The following SH2D4B variants were observed in gnomAD, a reference collection of about 807,000 sequenced individuals.
The protein encoded by SH2D4B is SH2 domain containing 4B, also known as SH2 domain-containing protein 4B.
Under a neutral mutation model 61.5 loss-of-function variants are expected in SH2D4B, and 45 were observed. The ratio of observed to expected loss-of-function variants is 0.73; its 90% CI spans 0.58 to 0.94. The LOEUF (loss-of-function observed/expected upper bound fraction) is 0.94. SH2D4B is among the 40% of genes least tolerant of loss of function. The pLI is 0.00. For synonymous variants in SH2D4B, 224 were observed against 220.4 expected, an observed-to-expected ratio of 1.02 and a Z score of -0.14; for missense variants, 572 against 574.2, an observed-to-expected ratio of 1.00 and a Z score of 0.04.
chr10:80,580,599 A>C (rs1024275904), intron 3 of SH2D4B, among the ~76,000 whole-genome samples: 1 of 152,216 alleles, frequency 6.6e-6, no homozygotes, highest in East Asian at 1.9e-4. Context: ...CTCTCCCATC[A>C]TGGCTGGGAA....
At chr10:80,633,482 G>C (rs1842856568) in intron 6 of SH2D4B, among the ~76,000 whole-genome samples, 1 of 152,138 alleles carries the variant, frequency 6.6e-6, no homozygotes, top group Non-Finnish European at 1.5e-5. Context: ...AGCCAGGTTG[G>C]CAGAGGTCGG....
intron 4 of SH2D4B, among the ~76,000 whole-genome samples, chr10:80,599,279 G>T (rs1842417837): frequency 6.7e-6 from 1 of 150,028 alleles, no homozygotes. Flanking sequence ...GACAGCTGAA[G>T]GAGAAGACAG....
At chr10:80,612,867 A>AT (rs1842617799) in intron 6 of SH2D4B, among the ~76,000 whole-genome samples, 1 of 152,238 alleles carries the variant, frequency 6.6e-6, no homozygotes, top group Non-Finnish European at 1.5e-5. Flanking sequence ...TAGACAAAGA[A>AT]TCTGAAGATA....
Position 80,538,661 on chromosome 10 carries a change from G to A in SH2D4B, c.184+146G>A. 1 of 686,174 alleles carries A rather than the reference G, an allele frequency of 1.5e-6. No homozygotes were observed. Among genetic ancestry groups the A allele is most frequent in the East Asian group, 3.4e-5 (1 of 29,132 alleles). 42.5% of individuals were successfully genotyped at this position (686,174 alleles called of 1,614,324 possible). A position where few individuals can be genotyped will look rare whatever the true frequency, so the allele number is the denominator to read the frequency against. On this transcript the variant is annotated intron_variant, in intron 1 of 7. Coordinates refer to ENST00000646907, the MANE Select transcript of SH2D4B (RefSeq NM_001388272.1). This position sits in a 1 kb window ranked among gnomAD's most constrained non-coding sequence, Gnocchi z 4.8. ...GAAACCCTTGTCTTGTGGGCATCAG[G>A]TCCCATGAGCCTGTGCTTTTGCCTT...
intron 7 of SH2D4B, 83 bp from the exon 8 acceptor site, chr10:80,643,910 G>A: frequency 9.3e-7 from 1 of 1,073,434 alleles, no homozygotes; most frequent in Non-Finnish European, 1.4e-6. Context: ...TAGTTTCTCT[G>A]TCTTGAACCA....
intron 1 of SH2D4B, among the ~76,000 whole-genome samples, chr10:80,555,673 G>A (rs1249708204): frequency 6.6e-6 from 1 of 152,210 alleles, no homozygotes; most frequent in Admixed American, 6.5e-5. Context: ...TATCTCTGCT[G>A]TGAACCGTTT....
At chr10:80,574,132 A>G (rs879333569) in intron 3 of SH2D4B, among the ~76,000 whole-genome samples, 16 of 152,152 alleles carry the variant, frequency 1.1e-4, no homozygotes, top group Non-Finnish European at 2.4e-4. Context: ...GAAGTGCTCC[A>G]CATTTGTTTT....
At chr10:80,624,213 A>G (rs751001318) in intron 6 of SH2D4B, among the ~76,000 whole-genome samples, 6 of 152,202 alleles carry the variant, frequency 3.9e-5, no homozygotes, top group African/African-American at 4.8e-5. Flanking sequence ...AGCTGTGGCT[A>G]CATTATGCAG....
At chr10:80,543,521 C>G (rs1327433168) in intron 1 of SH2D4B, among the ~76,000 whole-genome samples, 9 of 152,212 alleles carry the variant, frequency 5.9e-5, no homozygotes, top group Admixed American at 5.9e-4. Flanking sequence ...CCTGTGCCGC[C>G]CAAGCTTCCC....
In SH2D4B at chr10:80,644,606, C is replaced by A. The variant is rs1248078777; in HGVS notation, c.*521C>A. The A allele has an allele frequency of 6.6e-6, 1 of 152,314 alleles. No individual in the cohort carries two copies. Among genetic ancestry groups the A allele is most frequent in the Non-Finnish European group, 1.5e-5 (1 of 68,140 alleles). 9.4% of individuals were successfully genotyped at this position (152,314 alleles called of 1,614,324 possible). A position where few individuals can be genotyped will look rare whatever the true frequency, so the allele number is the denominator to read the frequency against. On this transcript the variant is annotated 3_prime_UTR_variant, in exon 8 of 8. Transcript: ENST00000646907. ...TCTATGGAGGACATAAATGCTGCAT[C>A]TTTCATAATCTCCATTATCACCCTC...
intron 1 of SH2D4B, among the ~76,000 whole-genome samples, chr10:80,560,247 A>G (rs1488623006): frequency 1.3e-5 from 2 of 151,984 alleles, no homozygotes; most frequent in East Asian, 3.8e-4. Flanking sequence ...TCGGCCTCCC[A>G]AAGTGCTGGG....
intron 3 of SH2D4B, among the ~76,000 whole-genome samples, chr10:80,577,028 A>G (rs1842133542): frequency 6.6e-6 from 1 of 152,198 alleles, no homozygotes; most frequent in Admixed American, 6.5e-5. Flanking sequence ...CAGCCTCCCA[A>G]AGAGTTGGGA....
rs79623735 is a variant in SH2D4B, at chr10:80,620,219, G to A, written c.988+10668G>A. ...CCTGGTGGAAGGTGATTGGATCATG[G>A]GGGGCGGTTCCCCCCCTTGCTGTTC... On this transcript the variant is annotated intron_variant, in intron 6 of 7. Coordinates refer to ENST00000646907, the MANE Select transcript of SH2D4B (RefSeq NM_001388272.1). Among the ~76,000 whole-genome samples the A allele has an allele frequency of 6.6e-4, 100 of 152,320 alleles. No individual in the cohort carries two copies. The East Asian group carries it at 0.019, about 29-fold the overall frequency.
chr10:80,640,037 T>G (rs906870604), intron 7 of SH2D4B, among the ~76,000 whole-genome samples: 4 of 152,192 alleles, frequency 2.6e-5, no homozygotes, highest in African/African-American at 9.6e-5. Flanking sequence ...TATTTCTCCT[T>G]CATTTATGAA....
At chr10:80,617,265 AT>A (rs1842671285) in intron 6 of SH2D4B, among the ~76,000 whole-genome samples, 1 of 152,208 alleles carries the variant, frequency 6.6e-6, no homozygotes, top group African/African-American at 2.4e-5. Flanking sequence ...GTGCCCAGCC[AT>A]CTCTGGGCTG....
intron 6 of SH2D4B, among the ~76,000 whole-genome samples, chr10:80,616,875 C>T (rs569659515): frequency 4.6e-5 from 7 of 152,218 alleles, no homozygotes; most frequent in Non-Finnish European, 8.8e-5. Flanking sequence ...GTAGCCATTA[C>T]GTACATAGTG....
chr10:80,634,547 G>T, intron 7 of SH2D4B, 42 bp downstream of exon 7: 1 of 1,542,962 alleles, frequency 6.5e-7, no homozygotes, highest in Middle Eastern at 2.2e-4. Flanking sequence ...GGGGGAACTG[G>T]TGGAAATTGG....
Position 80,608,586 on chromosome 10 carries a change from G to A in SH2D4B, c.861-838G>A, listed in dbSNP as rs145764299. ...AAGTCTATGTAAGCATCTGGGAACC[G>A]CAGTTCAGACACGAAAGCAATGACG... On this transcript the variant is annotated intron_variant, in intron 5 of 7. Transcript: ENST00000646907. Among the ~76,000 whole-genome samples the A allele has an allele frequency of 2.7e-3, 405 of 152,178 alleles. 1 individual carries two copies. The highest frequency in any genetic ancestry group is 9.5e-3 in the African/African-American group (395 of 41,502).
intron 1 of SH2D4B, among the ~76,000 whole-genome samples, chr10:80,546,573 C>T (rs909992894): frequency 2.7e-5 from 4 of 149,828 alleles, no homozygotes; most frequent in South Asian, 2.1e-4. Flanking sequence ...TTGCCCAGGC[C>T]GGACTGCAGT....
Sources: gnomAD v4.1 joint callset for allele counts (sites outside exome capture counted in the v4.1 genomes callset) on GRCh38, gnomAD v4.1.1 for gene constraint, Gnocchi (gnomAD v3.1) non-coding constraint, MANE v1.5 for transcripts, NCBI Gene and HGNC (gene_info 2026-07-23, HGNC 2026-07-21) for gene names.